The following NRG1 variants were observed in gnomAD, a reference collection of about 807,000 sequenced individuals.
NRG1 encodes pro-neuregulin-1, membrane-bound isoform.
In NRG1, 18 loss-of-function variants were observed where a neutral mutation model predicts 63.8. The ratio of observed to expected loss-of-function variants is 0.28; its 90% CI spans 0.19 to 0.42. The LOEUF (loss-of-function observed/expected upper bound fraction) is 0.42, where lower values mean the gene tolerates loss of function less well. Ranked by LOEUF, NRG1 falls within the 10% of genes least tolerant of loss-of-function variation. The pLI, the probability that NRG1 is intolerant of heterozygous loss-of-function variation, is 1.00. For missense variants in NRG1, 762 were observed against 814.7 expected, an observed-to-expected ratio of 0.94 and a Z score of 0.79; for synonymous variants, 302 against 301.3, an observed-to-expected ratio of 1.00 and a Z score of -0.02.
At chr8:31,923,947 G>A (rs1265951835) in intron 1 of NRG1, among the ~76,000 whole-genome samples, 1 of 151,922 alleles carries the variant, frequency 6.6e-6, no homozygotes, top group Non-Finnish European at 1.5e-5. Flanking sequence ...ACATTATTTA[G>A]CTCCCATTTA....
chr8:32,667,172 A>G (rs1804411532), intron 5 of NRG1, among the ~76,000 whole-genome samples: 1 of 152,184 alleles, frequency 6.6e-6, no homozygotes, highest in Non-Finnish European at 1.5e-5. Flanking sequence ...TACTGTACTA[A>G]GTAGTATAGG....
intron 1 of NRG1, among the ~76,000 whole-genome samples, chr8:32,433,731 C>G (rs190997892): frequency 2.0e-5 from 3 of 152,284 alleles, no homozygotes; most frequent in Admixed American, 2.0e-4. Flanking sequence ...ATTCACCCCT[C>G]TTTCCTACTG....
rs1433256196 is a variant in NRG1 at position 32,503,288 on chromosome 8, G to T, written c.38-92540G>T. On this transcript the variant is annotated intron_variant, in intron 1 of 10. Coordinates refer to the NRG1 transcript ENST00000519301. ...GGCTACAGAGCGAGACTCTGTCTCA[G>T]AAAAAAAAAAAAAAAAAAAAAAAAA... Among the ~76,000 whole-genome samples, 14 of 54,842 alleles carry T rather than the reference G, an allele frequency of 2.6e-4. No individual in the cohort carries two copies. The East Asian group carries it at 3.1e-3, about 12-fold the overall frequency. 36.0% of individuals were successfully genotyped at this position (54,842 alleles called of 152,430 possible). A position where few individuals can be genotyped will look rare whatever the true frequency, so the allele number is the denominator to read the frequency against.
intron 5 of NRG1, among the ~76,000 whole-genome samples, chr8:32,658,721 C>T (rs568769111): frequency 8.5e-5 from 13 of 152,296 alleles, no homozygotes; most frequent in South Asian, 2.1e-4. Flanking sequence ...GCTACCAGGT[C>T]ACTTTGCAAC....
intron 1 of NRG1, among the ~76,000 whole-genome samples, chr8:32,302,677 A>T (rs2129475272): frequency 7.0e-6 from 1 of 142,722 alleles, no homozygotes; most frequent in East Asian, 2.0e-4. Context: ...GAAAAGACGA[A>T]CCTGTGGCAT....
At chr8:32,141,210 C>G (rs1836205626) in intron 1 of NRG1, among the ~76,000 whole-genome samples, 1 of 151,982 alleles carries the variant, frequency 6.6e-6, no homozygotes, top group Non-Finnish European at 1.5e-5. Flanking sequence ...TGGGCTGTTT[C>G]AGGACATGAC....
chr8:32,518,014 A>G (rs537713743), intron 1 of NRG1, among the ~76,000 whole-genome samples: 35 of 152,266 alleles, frequency 2.3e-4, no homozygotes, highest in African/African-American at 7.9e-4. Context: ...TGTGTTGTTT[A>G]AAAGCCCTGG....
chr8:32,090,923 A>G (rs1234636011), intron 1 of NRG1, among the ~76,000 whole-genome samples: 1 of 152,192 alleles, frequency 6.6e-6, no homozygotes, highest in Admixed American at 6.5e-5. Context: ...ACAACTTTTC[A>G]CCAAGTAATT....
intron 1 of NRG1, among the ~76,000 whole-genome samples, chr8:32,401,000 A>T (rs1395655562): frequency 6.6e-6 from 1 of 152,224 alleles, no homozygotes; most frequent in Non-Finnish European, 1.5e-5. Context: ...AGGAACATGG[A>T]TGGAGCTGGA....
At position 32,382,593 on chromosome 8, in the gene NRG1, T is replaced by C. The variant is rs1737434676; in HGVS notation, c.38-213235T>C. 4.6e-5 allele frequency among the ~76,000 whole-genome samples: 7 copies of C among 152,196 alleles called. No homozygotes were observed. The South Asian group carries it at 1.4e-3, about 32-fold the overall frequency. ...CTTGGGTAAGTGTGTCTCAAGATTT[T>C]AACCTATTTACTTATAATAATTTTC... On this transcript the variant is annotated intron_variant, in intron 1 of 10. Coordinates refer to the NRG1 transcript ENST00000519301.
At chr8:32,459,448 C>G (rs190864097) in intron 1 of NRG1, among the ~76,000 whole-genome samples, 1 of 151,606 alleles carries the variant, frequency 6.6e-6, no homozygotes, top group East Asian at 1.9e-4. Context: ...CTAACAAATT[C>G]TCCTTAAAAC....
At chr8:32,165,589 A>G (rs894543714) in intron 1 of NRG1, among the ~76,000 whole-genome samples, 4 of 152,234 alleles carry the variant, frequency 2.6e-5, no homozygotes, top group African/African-American at 9.6e-5. Context: ...GTTAGAGGGC[A>G]GAGAAAGGAG....
intron 1 of NRG1, among the ~76,000 whole-genome samples, chr8:31,865,472 T>A (rs904006448): frequency 1.3e-4 from 20 of 152,132 alleles, no homozygotes; most frequent in African/African-American, 4.8e-4. Flanking sequence ...CCAAGTCTCA[T>A]CTTGAATTGT....
At chr8:31,698,786 A>G (rs1025878315) in intron 1 of NRG1, among the ~76,000 whole-genome samples, 2 of 152,222 alleles carry the variant, frequency 1.3e-5, no homozygotes, top group African/African-American at 4.8e-5. Flanking sequence ...ACATTTATTC[A>G]CTTGTAATGT....
chr8:32,289,670 G>A (rs1465645865), intron 1 of NRG1, among the ~76,000 whole-genome samples: 6 of 152,110 alleles, frequency 3.9e-5, no homozygotes, highest in Admixed American at 3.3e-4. Context: ...AGCTTGATTT[G>A]TAAATTTAAT....
At chr8:32,478,920 G>C (rs375901735) in intron 1 of NRG1, among the ~76,000 whole-genome samples, 2 of 152,164 alleles carry the variant, frequency 1.3e-5, no homozygotes, top group African/African-American at 4.8e-5. Context: ...ATTATCTCCA[G>C]TGCTACCTGT....
At position 32,006,054 on chromosome 8, in the gene NRG1, T is replaced by C. The variant is rs932931569; in HGVS notation, c.37+366623T>C. Among the ~76,000 whole-genome samples the C allele has an allele frequency of 5.9e-5, 9 of 152,044 alleles. No homozygotes were observed. The East Asian group carries it at 1.4e-3, about 23-fold the overall frequency. ...TGGAAACATGGACAAAGACAAAACATAGGGAGTTTCGAGGCATTATTCAAT... is the reference window on the plus strand; with the variant it reads ...TGGAAACATGGACAAAGACAAAACACAGGGAGTTTCGAGGCATTATTCAAT... On this transcript the variant is annotated intron_variant, in intron 1 of 10. Coordinates refer to the NRG1 transcript ENST00000519301.
chr8:31,658,922 G>A (rs139220253), intron 1 of NRG1, among the ~76,000 whole-genome samples: 1 of 152,288 alleles, frequency 6.6e-6, no homozygotes, highest in Admixed American at 6.5e-5. Flanking sequence ...TAGGAACCCA[G>A]CGGTTCTCCT....
intron 1 of NRG1, among the ~76,000 whole-genome samples, chr8:31,669,447 C>G (rs1370641593): frequency 6.6e-6 from 1 of 152,076 alleles, no homozygotes; most frequent in South Asian, 2.1e-4. Flanking sequence ...CCATGTTGCC[C>G]AGGCTGGTCT....
Sources: allele counts gnomAD v4.1 joint callset (sites outside exome capture counted in the v4.1 genomes callset), GRCh38; gene constraint gnomAD v4.1.1; transcripts MANE v1.5; gene names NCBI Gene and HGNC (gene_info 2026-07-23, HGNC 2026-07-21).